Variants in MEI1 observed in about 807,000 individuals in gnomAD.
MEI1 encodes meiosis inhibitor protein 1.
Under a neutral mutation model 146.2 loss-of-function variants are expected in MEI1, and 103 were observed. The observed-to-expected ratio is 0.70, with a 90% confidence interval of 0.60 to 0.83. The LOEUF (loss-of-function observed/expected upper bound fraction) is 0.83, where lower values mean the gene tolerates loss of function less well. Ranked by LOEUF, MEI1 falls within the 40% of genes least tolerant of loss-of-function variation. The probability of loss-of-function intolerance (pLI) is 0.00; values close to 1 mark genes in which losing one functional copy is unlikely to be tolerated. For synonymous variants in MEI1, 652 were observed against 628.2 expected (o/e 1.04, Z -0.57); for missense variants, 1,529 against 1,533.0 (o/e 1.00, Z 0.04).
intron 3 of MEI1, among the ~76,000 whole-genome samples, chr22:41,708,623 G>A (rs1293259842): frequency 1.3e-5 from 2 of 152,130 alleles, no homozygotes; most frequent in Non-Finnish European, 2.9e-5. Context: ...TTAGAGTGAG[G>A]GTTGACATTT....
At position 41,792,327 on chromosome 22, in the gene MEI1, T is replaced by G. The variant is rs539282928; in HGVS notation, c.3346-1502T>G. ...AATCTTCAGCAGTTGGGTGGCCCAG[T>G]GCAGTGCAGTGGAAGGTACAGTATC... On this transcript the variant is annotated intron_variant, in intron 26 of 30. Transcript: ENST00000401548. 1.0e-3 allele frequency among the ~76,000 whole-genome samples: 156 copies of G among 152,264 alleles called. 1 individual carries two copies. The highest frequency in any genetic ancestry group is 1.4e-3 in the Non-Finnish European group (92 of 68,004).
chr22:41,715,309 A>G (rs1023238397), intron 4 of MEI1, among the ~76,000 whole-genome samples: 1 of 152,126 alleles, frequency 6.6e-6, no homozygotes. Context: ...AATATGGACT[A>G]TTGACTCTCC....
chr22:41,787,706 G>A (rs1403241326), intron 26 of MEI1, among the ~76,000 whole-genome samples: 1 of 152,340 alleles, frequency 6.6e-6, no homozygotes, highest in East Asian at 1.9e-4. Flanking sequence ...AGAACAGGAG[G>A]TGTGGGGGGA....
rs1202066786 is a variant in MEI1, at chr22:41,767,159, C to T, written c.2269-3527C>T. On this transcript the variant is annotated intron_variant, in intron 19 of 30. Coordinates refer to ENST00000401548, the MANE Select transcript of MEI1 (RefSeq NM_152513.4). Reference sequence around the variant, plus strand: ...TAAAATTTGCCTGCTAGCTCCCAGGCCTTTCCTTGGCTTCTGTCTCTGATG... The same window carrying T: ...TAAAATTTGCCTGCTAGCTCCCAGGTCTTTCCTTGGCTTCTGTCTCTGATG... Among the ~76,000 whole-genome samples the T allele has an allele frequency of 2.0e-5, 3 of 152,172 alleles. No individual in the cohort carries two copies. The South Asian group carries it at 6.2e-4, about 32-fold the overall frequency.
At position 41,759,093 on chromosome 22, in the gene MEI1, A is replaced by C. The variant is rs562581165; in HGVS notation, c.2120+560A>C. On this transcript the variant is annotated intron_variant, in intron 18 of 30. Coordinates refer to ENST00000401548, the MANE Select transcript of MEI1 (RefSeq NM_152513.4). The stretch of plus-strand genomic sequence containing the variant: ...AGGAGACAGAGGTTGCAGTGAGCCA[A>C]GATTGTGCCACTGCACTCCAGCCTG... Among the ~76,000 whole-genome samples, 7 of 152,354 alleles carry C rather than the reference A, an allele frequency of 4.6e-5. No homozygotes were observed. In the South Asian group the frequency reaches 1.4e-3, roughly 32 times the overall value.
At chr22:41,752,484 G>C (rs937217587) in intron 15 of MEI1, 107 bp from the exon 16 acceptor site, 17 of 1,015,524 alleles carry the variant, frequency 1.7e-5, no homozygotes, top group Non-Finnish European at 2.1e-5. Flanking sequence ...TTTGAACCAA[G>C]TCTGTGTAAC....
At chr22:41,737,460 C>T (rs779184392) in intron 11 of MEI1, among the ~76,000 whole-genome samples, 2 of 152,002 alleles carry the variant, frequency 1.3e-5, no homozygotes, top group Non-Finnish European at 2.9e-5. Context: ...AGGATGATCT[C>T]GATCTCCTGA....
intron 11 of MEI1, among the ~76,000 whole-genome samples, chr22:41,738,095 G>A (rs1358861622): frequency 6.7e-6 from 1 of 150,210 alleles, no homozygotes; most frequent in Non-Finnish European, 1.5e-5. Flanking sequence ...TAGGAGGATC[G>A]CTTGAGGCTA....
At chr22:41,705,417 C>T in intron 2 of MEI1, 87 bp from the exon 3 acceptor site, 3 of 1,100,062 alleles carry the variant, frequency 2.7e-6, no homozygotes, top group South Asian at 2.5e-5. Context: ...GGTAATCTGC[C>T]ACCTCGGCCT....
intron 3 of MEI1, chr22:41,709,529 G>C: frequency 1.8e-6 from 1 of 567,356 alleles, no homozygotes; most frequent in Non-Finnish European, 3.3e-6. Context: ...TGCTGTGCGC[G>C]GGATGCAGCG....
chr22:41,760,660 C>G (rs747479301), intron 18 of MEI1, among the ~76,000 whole-genome samples: 6 of 152,176 alleles, frequency 3.9e-5, no homozygotes, highest in Non-Finnish European at 8.8e-5. Context: ...TCTGAGCTCT[C>G]CAAGTGCACA....
At chr22:41,760,559 G>A (rs1470792135) in intron 18 of MEI1, among the ~76,000 whole-genome samples, 1 of 152,084 alleles carries the variant, frequency 6.6e-6, no homozygotes, top group African/African-American at 2.4e-5. Flanking sequence ...GGGTGTAGTA[G>A]GACGAGCCGT....
rs531923474 is a variant in MEI1 at position 41,776,233 on chromosome 22, T to C, written c.2676T>C (p.Arg892=). The change falls in exon 21 of 31, where the codon CGT becomes CGC. Residue 892 remains arginine, a synonymous_variant. Transcript: ENST00000401548. ...IRGHFLLILQ[R]LLVEHGASPS... is the part of the protein sequence containing the mutation. ...GCCACTTCCTGCTGATCCTGCAGCG[T>C]CTGCTAGTGGAGCATGGGGCATCCC... The C allele has an allele frequency of 1.4e-5, 23 of 1,613,858 alleles. No homozygotes were observed. In the South Asian group the frequency reaches 2.4e-4, roughly 17 times the overall value.
At chr22:41,762,878 G>A (rs1327349735) in intron 18 of MEI1, among the ~76,000 whole-genome samples, 2 of 152,186 alleles carry the variant, frequency 1.3e-5, no homozygotes, top group Non-Finnish European at 2.9e-5. Context: ...AACCCCAGCA[G>A]TAGCACCCTT....
intron 23 of MEI1, 78 bp from the exon 24 acceptor site, chr22:41,781,607 G>A: frequency 6.7e-7 from 1 of 1,501,788 alleles, no homozygotes. Context: ...GCCCCAATCA[G>A]GTGCTAAGCA....
chr22:41,770,208 A>G (rs1286016417), intron 19 of MEI1, among the ~76,000 whole-genome samples: 1 of 152,066 alleles, frequency 6.6e-6, no homozygotes, highest in Non-Finnish European at 1.5e-5. Flanking sequence ...CTAAGTGCAC[A>G]GATTAATCTG....
At chr22:41,733,122 G>A (rs969902704) in intron 11 of MEI1, among the ~76,000 whole-genome samples, 2 of 151,298 alleles carry the variant, frequency 1.3e-5, no homozygotes, top group African/African-American at 4.8e-5. Flanking sequence ...TATTGAACAC[G>A]TACAGACTTT....
intron 3 of MEI1, among the ~76,000 whole-genome samples, chr22:41,711,492 T>A (rs2069565583): frequency 6.6e-6 from 1 of 152,234 alleles, no homozygotes; most frequent in African/African-American, 2.4e-5. Flanking sequence ...CCTGCAGCCA[T>A]CCACTTCTGG....
At position 41,746,008 on chromosome 22, in the gene MEI1, G is replaced by A; in HGVS notation, c.1662G>A (p.Leu554=). The A allele has an allele frequency of 6.2e-7, 1 of 1,605,766 alleles. No individual in the cohort carries two copies. The highest frequency in any genetic ancestry group is 8.5e-7 in the Non-Finnish European group (1 of 1,175,854). ...TTCTTCTCAGTGCCTGTGACTCGCT[G>A]TGTATCCCCATGGTGATGGTGGGTT... ...SEFLLSACDS[L]CIPMVMRHLE... is the part of the protein sequence containing the mutation. The change falls in exon 14 of 31, where the codon CTG becomes CTA. Residue 554 remains leucine, a synonymous_variant. Coordinates refer to ENST00000401548, the MANE Select transcript of MEI1 (RefSeq NM_152513.4).
Sources: gnomAD v4.1 joint callset for allele counts (sites outside exome capture counted in the v4.1 genomes callset) on GRCh38, gnomAD v4.1.1 for gene constraint, MANE v1.5 for transcripts, NCBI Gene and HGNC (gene_info 2026-07-23, HGNC 2026-07-21) for gene names.